Variants in PIGG observed in about 807,000 individuals in gnomAD.
The protein encoded by PIGG is GPI ethanolamine phosphate transferase 2, catalytic subunit.
In PIGG, 70 loss-of-function variants were observed where a neutral mutation model predicts 83.2. The observed-to-expected ratio is 0.84, with a 90% confidence interval of 0.69 to 1.03. The LOEUF is 1.03. Among genes scored for constraint, PIGG ranks in the 50% least tolerant of loss-of-function variants. PIGG has a pLI of 0.00. For missense variants in PIGG, 1,257 were observed against 1,233.6 expected (o/e 1.02, Z -0.28); for synonymous variants, 532 against 519.5 (o/e 1.02, Z -0.33).
intron 5 of PIGG, among the ~76,000 whole-genome samples, chr4:514,102 G>A (rs937957516): frequency 8.5e-5 from 13 of 152,266 alleles, no homozygotes; most frequent in South Asian, 6.2e-4. Flanking sequence ...GATGTAGAAC[G>A]GTAGTCACAG....
chr4:512,651 C>T (rs961575235), intron 5 of PIGG, among the ~76,000 whole-genome samples: 3 of 151,688 alleles, frequency 2.0e-5, no homozygotes, highest in Non-Finnish European at 4.4e-5. Flanking sequence ...CCCGTCTCTA[C>T]TAAAAGTACA....
chr4:536,780 G>A (rs1000078462), intron 12 of PIGG: 1 of 152,320 alleles, frequency 6.6e-6, no homozygotes, highest in African/African-American at 2.4e-5. Context: ...CCTCTGCCCT[G>A]GAGAACGGAT....
intron 11 of PIGG, 23 bp from the exon 12 acceptor site, chr4:533,795 T>C (rs752870172): frequency 1.9e-6 from 3 of 1,612,340 alleles, no homozygotes; most frequent in Non-Finnish European, 2.5e-6. Context: ...GAGGCCTTTG[T>C]CAGCTCTTCT....
chr4:505,680 G>T, intron 2 of PIGG, 38 bp from the exon 3 acceptor site: 3 of 1,426,034 alleles, frequency 2.1e-6, no homozygotes, highest in South Asian at 1.2e-5. Flanking sequence ...CTCCGGTTTT[G>T]GATTCAGTGG....
At chr4:539,034 C>G in intron 12 of PIGG, 119 bp from the exon 13 acceptor site, 1 of 654,008 alleles carries the variant, frequency 1.5e-6, no homozygotes, top group Non-Finnish European at 2.7e-6. Context: ...GAAGAAGGAA[C>G]GCGGTGCCCT....
chr4:516,899 G>T (rs376495487), intron 6 of PIGG, among the ~76,000 whole-genome samples: 5 of 151,948 alleles, frequency 3.3e-5, no homozygotes, highest in African/African-American at 1.2e-4. Context: ...ACAGGCGTGG[G>T]GTGGGAAGTG....
intron 8 of PIGG, 109 bp downstream of exon 8, chr4:522,050 T>A (rs779369161): frequency 8.3e-7 from 1 of 1,199,682 alleles, no homozygotes; most frequent in East Asian, 2.4e-5. Flanking sequence ...ACCTGGTGTG[T>A]GCCACGTGCT....
chr4:518,945 G>A (rs1043506399), intron 6 of PIGG, among the ~76,000 whole-genome samples: 1 of 152,158 alleles, frequency 6.6e-6, no homozygotes, highest in African/African-American at 2.4e-5. Flanking sequence ...TCAGTGTAGT[G>A]GGACCGGCTT....
In PIGG at chr4:539,394, A is replaced by G. The variant is rs1416428885; in HGVS notation, c.*25A>G. 1.5e-6 allele frequency: 2 copies of G among 1,347,974 alleles called. No individual in the cohort carries two copies. Among genetic ancestry groups the G allele is most frequent in the African/African-American group, 1.4e-5 (1 of 69,398 alleles). 83.5% of individuals were successfully genotyped at this position (1,347,974 alleles called of 1,614,324 possible). A position where few individuals can be genotyped will look rare whatever the true frequency, so the allele number is the denominator to read the frequency against. ...GACTAAGCTGAACACTGGAAAAATA[A>G]TACATGCTTAAAGTCTGCTGTTATT... is the stretch of plus-strand genomic sequence containing the variant. On this transcript the variant is annotated 3_prime_UTR_variant, in exon 13 of 13. Transcript: ENST00000453061.
chr4:530,619 G>A lies in PIGG; in HGVS notation c.2445G>A (p.Pro815=), dbSNP rs202141322. ...AALLFRPHNL[P]VLAFSLLIQT... ...TGCTCTTTAGACCACATAATCTTCC[G>A]GTCTTAGCATTTAGCCTCTTGATTC... Residue 815 remains proline (P), a synonymous_variant, in exon 11 of 13, where the codon CCG becomes CCA. Transcript: ENST00000453061. 2.4e-5 allele frequency: 38 copies of A among 1,613,628 alleles called. No homozygotes were observed. The highest frequency in any genetic ancestry group is 1.7e-4 in the Middle Eastern group (1 of 6,056).
intron 5 of PIGG, among the ~76,000 whole-genome samples, chr4:514,386 G>A (rs774841916): frequency 5.3e-4 from 80 of 152,170 alleles, no homozygotes; most frequent in Non-Finnish European, 8.7e-4. Flanking sequence ...CTACAAATAA[G>A]ACCATACACT....
Position 539,187 on chromosome 4 carries a change from G to A in PIGG, c.2770G>A (p.Ala924Thr), listed in dbSNP as rs771098011. 3.6e-5 allele frequency: 58 copies of A among 1,612,926 alleles called. No homozygotes were observed. Among genetic ancestry groups the A allele is most frequent in the African/African-American group, 6.7e-5 (5 of 74,896 alleles). Residue 924 changes from alanine to threonine, a missense_variant, in exon 13 of 13, where the codon GCA becomes ACA. Transcript: ENST00000453061. ...SALSHACFCYALICSIPVFTY... is the reference protein window; with the variant it reads ...SALSHACFCYTLICSIPVFTY... ...ACTGAGTCATGCTTGCTTCTGCTACGCACTGATTTGTTCTATTCCAGTTTT... is the reference window on the plus strand; with the variant it reads ...ACTGAGTCATGCTTGCTTCTGCTACACACTGATTTGTTCTATTCCAGTTTT...
intron 9 of PIGG, chr4:525,562 G>A (rs902906026): frequency 9.9e-5 from 16 of 161,132 alleles, no homozygotes; most frequent in African/African-American, 3.4e-4. Context: ...ATTGAATGAC[G>A]AGACTCAGTC....
chr4:516,540 C>T (rs1376742195), intron 6 of PIGG, among the ~76,000 whole-genome samples: 1 of 152,014 alleles, frequency 6.6e-6, no homozygotes, highest in East Asian at 1.9e-4. Flanking sequence ...GATCGATGGC[C>T]GATGGTGACG....
Position 505,770 on chromosome 4 carries a change from A to C in PIGG, c.413A>C (p.Asn138Thr). 1 of 1,613,770 alleles carries C rather than the reference A, an allele frequency of 6.2e-7. No individual in the cohort carries two copies. The highest frequency in any genetic ancestry group is 1.1e-5 in the South Asian group (1 of 91,052). Residue 138 changes from asparagine (N) to threonine (T), a missense_variant, in exon 3 of 13, where the codon AAT becomes ACT. Asn to Thr is a moderately conservative substitution (Grantham distance 65, BLOSUM62 0). Transcript: ENST00000453061. The part of the protein sequence containing the change: ...PGFVDVIRNL[N>T]SPALLEDSVI... ...TTTGTCGACGTCATCAGGAACCTCAATTCTCCTGCACTGCTGGAAGACAGT... is the reference window on the plus strand; with the variant it reads ...TTTGTCGACGTCATCAGGAACCTCACTTCTCCTGCACTGCTGGAAGACAGT...
intron 1 of PIGG, 141 bp downstream of exon 1, chr4:499,630 T>C (rs1716819305): frequency 7.0e-7 from 1 of 1,420,334 alleles, no homozygotes. Flanking sequence ...AGAAATTTTT[T>C]TTAACCGCTC....
At position 506,720 on chromosome 4, in the gene PIGG, G is replaced by A. The variant is rs186258415; in HGVS notation, c.571-685G>A. 270 of 455,246 alleles carry A rather than the reference G, an allele frequency of 5.9e-4. 1 individual carries two copies. Among genetic ancestry groups the A allele is most frequent in the African/African-American group, 4.9e-3 (244 of 50,144 alleles). The allele number at this position is 455,246 out of a possible 1,614,324, so 28.2% of individuals were successfully genotyped here. ...CAGGCTGACAGCTCTATTGGGGGCTGATCAACTGCTCATCTCTCCTCCGTG... is the reference window on the plus strand; with the variant it reads ...CAGGCTGACAGCTCTATTGGGGGCTAATCAACTGCTCATCTCTCCTCCGTG... On this transcript the variant is annotated intron_variant, in intron 3 of 12. Coordinates refer to ENST00000453061, the MANE Select transcript of PIGG (RefSeq NM_001127178.3).
At position 507,389 on chromosome 4, in the gene PIGG, T is replaced by C. The variant is rs1363259187; in HGVS notation, c.571-16T>C. The C allele has an allele frequency of 1.3e-6, 2 of 1,592,812 alleles. No homozygotes were observed. The highest frequency in any genetic ancestry group is 1.7e-6 in the Non-Finnish European group (2 of 1,164,896). ...AAATTAGGTGAGTTGTTTATACGTGTGTTTCCCCTTCAAAGGTGGATAATA... is the reference window on the plus strand; with the variant it reads ...AAATTAGGTGAGTTGTTTATACGTGCGTTTCCCCTTCAAAGGTGGATAATA... On this transcript the variant is annotated splice_polypyrimidine_tract_variant and intron_variant, in intron 3 of 12. Coordinates refer to ENST00000453061, the MANE Select transcript of PIGG (RefSeq NM_001127178.3).
chr4:511,182 A>G (rs1392455465), intron 5 of PIGG, among the ~76,000 whole-genome samples: 3 of 151,732 alleles, frequency 2.0e-5, no homozygotes, highest in African/African-American at 4.8e-5. Context: ...AACCCCAGCT[A>G]CTTGGGAGGC....
Sources: allele counts gnomAD v4.1 joint callset (sites outside exome capture counted in the v4.1 genomes callset), GRCh38; gene constraint gnomAD v4.1.1; transcripts MANE v1.5; gene names NCBI Gene and HGNC (gene_info 2026-07-23, HGNC 2026-07-21).